Variants in RASA1 observed in about 807,000 individuals in gnomAD.
The protein encoded by RASA1 is ras GTPase-activating protein 1.
In RASA1, 25 loss-of-function variants were observed where a neutral mutation model predicts 132.2. The ratio of observed to expected loss-of-function variants is 0.19; its 90% CI spans 0.14 to 0.26. RASA1 has a LOEUF of 0.26. RASA1 is among the 10% of genes least tolerant of loss of function. The pLI is 1.00. For missense variants in RASA1, 964 were observed against 1,299.2 expected (o/e 0.74, Z 3.97); for synonymous variants, 477 against 449.9 (o/e 1.06, Z -0.76).
intron 21 of RASA1, among the ~76,000 whole-genome samples, chr5:87,384,954 C>T (rs1761967030): frequency 6.6e-6 from 1 of 151,974 alleles, no homozygotes; most frequent in African/African-American, 2.4e-5. Flanking sequence ...TGTGAACTGT[C>T]ATAAAAGATG....
intron 1 of RASA1, chr5:87,299,575 T>A (rs1382189146): frequency 6.6e-6 from 1 of 152,206 alleles, no homozygotes; most frequent in East Asian, 1.9e-4. Flanking sequence ...TGTTTTGATA[T>A]GCATATATGT....
intron 21 of RASA1, among the ~76,000 whole-genome samples, chr5:87,384,035 A>G (rs1761906955): frequency 6.6e-6 from 1 of 151,614 alleles, no homozygotes; most frequent in Non-Finnish European, 1.5e-5. Context: ...TTCTACCCCT[A>G]TTTGTGTCTC....
intron 1 of RASA1, among the ~76,000 whole-genome samples, chr5:87,288,750 G>C (rs1050275152): frequency 6.6e-6 from 1 of 152,016 alleles, no homozygotes; most frequent in Admixed American, 6.6e-5. Flanking sequence ...CCAAGTATTT[G>C]TGTTGGAAAA....
Position 87,390,929 on chromosome 5 carries a change from G to A in RASA1, c.*46G>A, listed in dbSNP as rs1435122478. On this transcript the variant is annotated 3_prime_UTR_variant, in exon 25 of 25. Coordinates refer to ENST00000274376, the MANE Select transcript of RASA1 (RefSeq NM_002890.3). ...TGCATGGATTCAGCATGTCCAACAT[G>A]GTAATTCACTTCAGTTTAATGTCTC... is the stretch of plus-strand genomic sequence containing the variant. 6.5e-7 allele frequency: 1 copy of A among 1,533,018 alleles called. No individual in the cohort carries two copies. The highest frequency in any genetic ancestry group is 1.7e-5 in the Admixed American group (1 of 59,830). 95.0% of individuals were successfully genotyped at this position (1,533,018 alleles called of 1,614,324 possible).
At chr5:87,367,023 C>G (rs747981268) in intron 11 of RASA1, among the ~76,000 whole-genome samples, 1 of 152,130 alleles carries the variant, frequency 6.6e-6, no homozygotes, top group Non-Finnish European at 1.5e-5. Context: ...AGAGTGAGGC[C>G]CGGTCTCAAA....
At chr5:87,272,635 A>G (rs1459214766) in intron 1 of RASA1, among the ~76,000 whole-genome samples, 1 of 152,072 alleles carries the variant, frequency 6.6e-6, no homozygotes, top group Non-Finnish European at 1.5e-5. Context: ...CCCTGTGCCC[A>G]TAACTGTAAT....
intron 1 of RASA1, among the ~76,000 whole-genome samples, chr5:87,313,610 A>T (rs1001067474): frequency 6.6e-6 from 1 of 152,204 alleles, no homozygotes; most frequent in African/African-American, 2.4e-5. Flanking sequence ...GATGACTTAA[A>T]TGTCCCCCAG....
chr5:87,277,877 A>G (rs1002022159), intron 1 of RASA1, among the ~76,000 whole-genome samples: 3 of 152,118 alleles, frequency 2.0e-5, no homozygotes, highest in African/African-American at 7.2e-5. Flanking sequence ...TGGAAAGCAT[A>G]TTTAAATGCA....
rs542142458 is a variant in RASA1, at chr5:87,391,407, T to C, written c.*524T>C. On this transcript the variant is annotated 3_prime_UTR_variant, in exon 25 of 25. Transcript: ENST00000274376. ...CAGTTTCCAGAGTTTGTCATTATAA[T>C]AGGAACAATCTTTGCTGTATACTTT... is the stretch of plus-strand genomic sequence containing the variant. 1 of 251,438 alleles carries C rather than the reference T, an allele frequency of 4.0e-6. No individual in the cohort carries two copies. Among genetic ancestry groups the C allele is most frequent in the African/African-American group, 2.2e-5 (1 of 45,800 alleles). 15.6% of individuals were successfully genotyped at this position (251,438 alleles called of 1,614,324 possible). A position where few individuals can be genotyped will look rare whatever the true frequency, so the allele number is the denominator to read the frequency against.
chr5:87,376,640 A>C, intron 16 of RASA1, 75 bp downstream of exon 16: 1 of 1,511,608 alleles, frequency 6.6e-7, no homozygotes, highest in Non-Finnish European at 9.1e-7. Context: ...AGATCCATTA[A>C]GGTAAACATA....
intron 1 of RASA1, among the ~76,000 whole-genome samples, chr5:87,326,281 T>C (rs1757223980): frequency 6.6e-6 from 1 of 152,174 alleles, no homozygotes; most frequent in Non-Finnish European, 1.5e-5. Context: ...ACAGCACACA[T>C]TTATAAAAAA....
intron 1 of RASA1, among the ~76,000 whole-genome samples, chr5:87,305,604 G>A (rs1755571176): frequency 6.6e-6 from 1 of 152,180 alleles, no homozygotes; most frequent in Non-Finnish European, 1.5e-5. Flanking sequence ...GATGGCAAAA[G>A]CAATTGCAAC....
intron 1 of RASA1, among the ~76,000 whole-genome samples, chr5:87,270,439 C>T (rs921618360): frequency 2.0e-5 from 3 of 149,988 alleles, no homozygotes; most frequent in African/African-American, 4.9e-5. Flanking sequence ...CCTCCGCCTC[C>T]CGGGTTCAAG....
intron 1 of RASA1, among the ~76,000 whole-genome samples, chr5:87,298,504 G>A (rs1755219451): frequency 6.6e-6 from 1 of 152,058 alleles, no homozygotes; most frequent in Admixed American, 6.6e-5. Context: ...AAGTTTTAAA[G>A]GGGTTAAAAA....
chr5:87,375,783 G>A (rs1761282795), intron 15 of RASA1, among the ~76,000 whole-genome samples: 1 of 152,052 alleles, frequency 6.6e-6, no homozygotes. Flanking sequence ...CTCAGGCTTA[G>A]GGAAGGAAGT....
intron 1 of RASA1, among the ~76,000 whole-genome samples, chr5:87,283,344 A>G (rs1363253831): frequency 6.6e-6 from 1 of 151,870 alleles, no homozygotes; most frequent in Admixed American, 6.6e-5. Flanking sequence ...CAACATTAAC[A>G]TGTTTATTTT....
intron 1 of RASA1, among the ~76,000 whole-genome samples, chr5:87,301,672 T>C (rs1755370762): frequency 6.6e-6 from 1 of 152,188 alleles, no homozygotes; most frequent in Non-Finnish European, 1.5e-5. Flanking sequence ...ATTTGCATTA[T>C]ACCAGTTGAG....
intron 1 of RASA1, among the ~76,000 whole-genome samples, chr5:87,305,013 G>T (rs933068836): frequency 9.8e-5 from 8 of 81,882 alleles, no homozygotes; most frequent in African/African-American, 3.3e-4. Flanking sequence ...AAATGTACTT[G>T]TTTTTGTTTT....
intron 1 of RASA1, among the ~76,000 whole-genome samples, chr5:87,286,360 C>G (rs1754565154): frequency 6.6e-6 from 1 of 151,482 alleles, no homozygotes; most frequent in African/African-American, 2.4e-5. Context: ...ACTTTTTTCC[C>G]TTTTACTGAT....
Sources: allele counts gnomAD v4.1 joint callset (sites outside exome capture counted in the v4.1 genomes callset), GRCh38; gene constraint gnomAD v4.1.1; transcripts MANE v1.5; gene names NCBI Gene and HGNC (gene_info 2026-07-23, HGNC 2026-07-21).